DENND4C: variants seen among roughly 807,000 people sequenced by gnomAD.
DENND4C encodes DENN domain-containing protein 4C.
Under a neutral mutation model 203.0 loss-of-function variants are expected in DENND4C, and 108 were observed. That is an observed-to-expected ratio of 0.53 (90% CI 0.46 to 0.62). The LOEUF (loss-of-function observed/expected upper bound fraction) is 0.62, where lower values mean the gene tolerates loss of function less well. Ranked by LOEUF, DENND4C falls within the 20% of genes least tolerant of loss-of-function variation. The pLI is 0.00. For missense variants in DENND4C, 2,481 were observed against 2,301.2 expected (o/e 1.08, Z -1.60); for synonymous variants, 871 against 792.4 (o/e 1.10, Z -1.67).
At chr9:19,265,283 C>A (rs1258619536) in intron 1 of DENND4C, among the ~76,000 whole-genome samples, 1 of 152,132 alleles carries the variant, frequency 6.6e-6, no homozygotes, top group Non-Finnish European at 1.5e-5. Context: ...TCCCAAAATG[C>A]TGGGATTACA....
chr9:19,298,147 G>A, intron 7 of DENND4C, 25 bp downstream of exon 7: 1 of 1,595,732 alleles, frequency 6.3e-7, no homozygotes, highest in Non-Finnish European at 8.6e-7. Context: ...GTATATTTGG[G>A]GAGAACTTTG....
chr9:19,255,548 G>A (rs1450696977), intron 1 of DENND4C, among the ~76,000 whole-genome samples: 1 of 152,084 alleles, frequency 6.6e-6, no homozygotes, highest in African/African-American at 2.4e-5. Flanking sequence ...TGAGAGGAAA[G>A]TATTAATAAA....
At chr9:19,306,905 C>T (rs1220633485) in intron 10 of DENND4C, among the ~76,000 whole-genome samples, 2 of 151,880 alleles carry the variant, frequency 1.3e-5, no homozygotes, top group Non-Finnish European at 2.9e-5. Context: ...CTCAGCCTTC[C>T]GAGTAGCGGG....
At chr9:19,248,910 A>C (rs1825893932) in intron 1 of DENND4C, among the ~76,000 whole-genome samples, 1 of 147,168 alleles carries the variant, frequency 6.8e-6, no homozygotes, top group Non-Finnish European at 1.5e-5. Context: ...CGTGCCTCAG[A>C]CTCCAGAGTA....
rs572961178 is a variant in DENND4C at position 19,339,486 on chromosome 9, C to T, written c.2882-1506C>T. The stretch of plus-strand genomic sequence containing the variant: ...TTTCCTAGTGTTTAGGTTATGCATC[C>T]ATGGGTGTGCTACGTAAATGATGTT... On this transcript the variant is annotated intron_variant, in intron 20 of 32. Transcript: ENST00000434457. Among the ~76,000 whole-genome samples the T allele has an allele frequency of 7.5e-4, 114 of 152,220 alleles. 4 individuals carry two copies. The highest frequency in any genetic ancestry group is 5.6e-4 in the Non-Finnish European group (38 of 68,020).
chr9:19,249,547 C>T (rs189697257), intron 1 of DENND4C, among the ~76,000 whole-genome samples: 8 of 152,058 alleles, frequency 5.3e-5, no homozygotes, highest in East Asian at 1.9e-4. Context: ...TAAGCCATCG[C>T]GCCTGGCCAC....
chr9:19,361,284 A>G (rs1202392839), intron 29 of DENND4C, among the ~76,000 whole-genome samples: 3 of 152,176 alleles, frequency 2.0e-5, no homozygotes, highest in Non-Finnish European at 4.4e-5. Context: ...AAATTTAGTA[A>G]TTTCTGTAAG....
rs752260475 is a variant in DENND4C at position 19,346,490 on chromosome 9, G to T, written c.3721G>T (p.Val1241Phe). 1 of 1,614,162 alleles carries T rather than the reference G, an allele frequency of 6.2e-7. No homozygotes were observed. Among genetic ancestry groups the T allele is most frequent in the Non-Finnish European group, 8.5e-7 (1 of 1,180,028 alleles). Residue 1241 changes from valine (V) to phenylalanine (F), a missense_variant, in exon 23 of 33, where the codon GTT becomes TTT. Val to Phe is a conservative substitution (Grantham distance 50). This residue lies in a region of DENND4C where 2,289 missense variants were observed against 2,113.3 expected (regional missense o/e 1.08). Coordinates refer to ENST00000434457, the MANE Select transcript of DENND4C (RefSeq NM_001330640.2). ...RSSLYGIAKV[V>F]QREDVETGLD... Reference sequence around the variant, plus strand: ...TAGTTTATATGGTATTGCTAAGGTGGTTCAGAGGGAAGATGTTGAAACTGG... The same window carrying T: ...TAGTTTATATGGTATTGCTAAGGTGTTTCAGAGGGAAGATGTTGAAACTGG...
At chr9:19,245,930 AC>A (rs1342036635) in intron 1 of DENND4C, among the ~76,000 whole-genome samples, 2 of 146,642 alleles carry the variant, frequency 1.4e-5, no homozygotes, top group Non-Finnish European at 3.0e-5. Context: ...ATACTCCAGT[AC>A]CCTATTTTGA....
At chr9:19,240,854 C>G (rs896951973) in intron 1 of DENND4C, among the ~76,000 whole-genome samples, 9 of 151,268 alleles carry the variant, frequency 5.9e-5, no homozygotes, top group African/African-American at 2.2e-4. Context: ...GTAATCCAAG[C>G]TATTTGGGAG....
chr9:19,332,326 T>C, intron 17 of DENND4C, 142 bp downstream of exon 17: 1 of 636,268 alleles, frequency 1.6e-6, no homozygotes. Flanking sequence ...TTCATGGAGC[T>C]GGTGCATATT....
At chr9:19,296,295 A>T in intron 6 of DENND4C, 49 bp downstream of exon 6, 15 of 1,217,228 alleles carry the variant, frequency 1.2e-5, no homozygotes, top group Non-Finnish European at 1.6e-5. Flanking sequence ...GGGTATATAA[A>T]TATATACATT....
rs118029367 is a variant in DENND4C at position 19,301,937 on chromosome 9, A to G, written c.1311+1606A>G. Among the ~76,000 whole-genome samples the G allele has an allele frequency of 3.6e-3, 554 of 152,254 alleles. 16 individuals are homozygous for G. In the East Asian group the frequency reaches 0.067, roughly 18 times the overall value. ...GGTGACACAGCAAGACTCCGTCTCA[A>G]AAAAAATAAGTTCCCACCAAAATAT... On this transcript the variant is annotated intron_variant, in intron 9 of 32. Transcript: ENST00000434457.
chr9:19,357,696 C>CTG (rs1342676677), intron 27 of DENND4C: 1 of 309,914 alleles, frequency 3.2e-6, no homozygotes, highest in Non-Finnish European at 5.9e-6. Flanking sequence ...AGTAAAGCAA[C>CTG]TGAATGGGTA....
intron 15 of DENND4C, among the ~76,000 whole-genome samples, chr9:19,327,824 T>C (rs368209740): frequency 1.3e-5 from 2 of 152,016 alleles, no homozygotes; most frequent in Non-Finnish European, 2.9e-5. Context: ...AAATAACAAA[T>C]AGGGTGGGGA....
At chr9:19,295,235 A>G (rs1460368030) in intron 5 of DENND4C, among the ~76,000 whole-genome samples, 1 of 151,866 alleles carries the variant, frequency 6.6e-6, no homozygotes, top group African/African-American at 2.4e-5. Context: ...GGCCGGGCGC[A>G]GTGGCGCACG....
chr9:19,342,818 T>A (rs892842049), intron 22 of DENND4C, 39 bp downstream of exon 22: 1 of 1,497,200 alleles, frequency 6.7e-7, no homozygotes, highest in Non-Finnish European at 8.9e-7. Flanking sequence ...ATTTAAAATA[T>A]ACTTTTATAG....
chr9:19,270,011 G>A (rs952233185), intron 1 of DENND4C, among the ~76,000 whole-genome samples: 2 of 152,200 alleles, frequency 1.3e-5, no homozygotes, highest in Admixed American at 1.3e-4. Flanking sequence ...TGTGACTCTT[G>A]TAGACTTATA....
At chr9:19,277,511 C>A (rs982223622) in intron 2 of DENND4C, among the ~76,000 whole-genome samples, 3 of 152,014 alleles carry the variant, frequency 2.0e-5, no homozygotes, top group African/African-American at 7.2e-5. Context: ...GTGTGCTAAT[C>A]TTGCACTCTG....
Sources: gnomAD v4.1 joint callset for allele counts (sites outside exome capture counted in the v4.1 genomes callset) on GRCh38, gnomAD v4.1.1 for gene constraint, gnomAD v4.1.1 regional missense constraint, MANE v1.5 for transcripts, NCBI Gene and HGNC (gene_info 2026-07-23, HGNC 2026-07-21) for gene names.